Variants in GALNT1 observed in about 807,000 individuals in gnomAD.
The protein encoded by GALNT1 is polypeptide N-acetylgalactosaminyltransferase 1, also known as GalNAc transferase 1.
Under a neutral mutation model 65.7 loss-of-function variants are expected in GALNT1, and 17 were observed. The observed-to-expected ratio is 0.26, with a 90% confidence interval of 0.18 to 0.39. GALNT1 has a LOEUF of 0.39. GALNT1 is among the 10% of genes least tolerant of loss of function. The pLI is 1.00. For missense variants in GALNT1, 460 were observed against 672.8 expected (o/e 0.68, Z 3.50); for synonymous variants, 210 against 219.7 (o/e 0.96, Z 0.39).
At chr18:35,614,812 T>C (rs1598784421) in intron 1 of GALNT1, among the ~76,000 whole-genome samples, 1 of 152,072 alleles carries the variant, frequency 6.6e-6, no homozygotes, top group East Asian at 1.9e-4. Context: ...TCTATTACTC[T>C]AAACTAGCAG....
At chr18:35,701,589 A>G (rs890266224) in intron 9 of GALNT1, among the ~76,000 whole-genome samples, 1 of 152,218 alleles carries the variant, frequency 6.6e-6, no homozygotes, top group Non-Finnish European at 1.5e-5. Flanking sequence ...TTGGAAACAT[A>G]TAATGTATTG....
At chr18:35,627,750 C>CAAGCAT (rs1555646146) in intron 1 of GALNT1, among the ~76,000 whole-genome samples, 2 of 151,714 alleles carry the variant, frequency 1.3e-5, no homozygotes, top group African/African-American at 2.4e-5. Flanking sequence ...TGTAGCACAC[C>CAAGCAT]GAGCTGAAGC....
chr18:35,635,701 C>T (rs936100709), intron 1 of GALNT1, among the ~76,000 whole-genome samples: 4 of 151,904 alleles, frequency 2.6e-5, no homozygotes, highest in Non-Finnish European at 4.4e-5. Context: ...GGTAAAATAG[C>T]TGACCAATTT....
intron 1 of GALNT1, among the ~76,000 whole-genome samples, chr18:35,619,705 C>T (rs8083733): frequency 0.095 from 14,465 of 152,158 alleles, 813 homozygotes; most frequent in African/African-American, 0.17. Context: ...TAACTGTCTG[C>T]GCTCAGTAGT....
intron 1 of GALNT1, among the ~76,000 whole-genome samples, chr18:35,633,591 A>G (rs934613281): frequency 1.3e-5 from 2 of 152,094 alleles, no homozygotes; most frequent in South Asian, 2.1e-4. Flanking sequence ...TACACCTAAT[A>G]TAAGTGATGA....
intron 1 of GALNT1, among the ~76,000 whole-genome samples, chr18:35,586,332 A>G (rs970417662): frequency 3.9e-5 from 6 of 152,092 alleles, no homozygotes; most frequent in Admixed American, 2.0e-4. Flanking sequence ...TATTCTTTAT[A>G]TATTCTAAAT....
At chr18:35,631,395 G>C (rs1388839627) in intron 1 of GALNT1, among the ~76,000 whole-genome samples, 1 of 152,054 alleles carries the variant, frequency 6.6e-6, no homozygotes, top group Non-Finnish European at 1.5e-5. Context: ...TGCAAGGCTG[G>C]TTCAACATAC....
At chr18:35,597,503 G>T (rs2046520042) in intron 1 of GALNT1, 1 of 152,188 alleles carries the variant, frequency 6.6e-6, no homozygotes, top group Admixed American at 6.5e-5. Flanking sequence ...ATGACAGTTT[G>T]TTTAGTGCTT....
At chr18:35,584,060 A>G (rs2046353499) in intron 1 of GALNT1, among the ~76,000 whole-genome samples, 2 of 152,158 alleles carry the variant, frequency 1.3e-5, no homozygotes. Flanking sequence ...AGTCCAGTGT[A>G]CTACATTGTA....
In GALNT1 at chr18:35,696,646, C is replaced by A. The variant is rs537984004; in HGVS notation, c.1299+4326C>A. Among the ~76,000 whole-genome samples, 3 of 152,304 alleles carry A rather than the reference C, an allele frequency of 2.0e-5. No homozygotes were observed. The South Asian group carries it at 6.2e-4, about 32-fold the overall frequency. On this transcript the variant is annotated intron_variant, in intron 9 of 11. Coordinates refer to ENST00000269195, the MANE Select transcript of GALNT1 (RefSeq NM_020474.4). ...CTGAGCATGTACTTTATGTCAAGCA[C>A]AAATCTGAATGCTTGATGAATATTA...
At chr18:35,664,369 C>T (rs1239863869) in intron 3 of GALNT1, 1 of 152,204 alleles carries the variant, frequency 6.6e-6, no homozygotes, top group Non-Finnish European at 1.5e-5. Flanking sequence ...CTTTAAGATT[C>T]ATATTGTTGC....
intron 1 of GALNT1, among the ~76,000 whole-genome samples, chr18:35,606,556 A>T (rs1286892824): frequency 1.3e-5 from 2 of 152,192 alleles, no homozygotes; most frequent in East Asian, 3.8e-4. Context: ...AAGGAATACC[A>T]ATTTCTAGAT....
chr18:35,634,466 T>TA (rs796476241), intron 1 of GALNT1, among the ~76,000 whole-genome samples: 13 of 152,290 alleles, frequency 8.5e-5, no homozygotes, highest in African/African-American at 3.1e-4. Flanking sequence ...CCAGGATTTA[T>TA]TACAGCACAG....
At chr18:35,628,290 C>G (rs2046948227) in intron 1 of GALNT1, among the ~76,000 whole-genome samples, 1 of 152,164 alleles carries the variant, frequency 6.6e-6, no homozygotes, top group South Asian at 2.1e-4. Flanking sequence ...CCCTGAACCC[C>G]AAGTAGCCTA....
intron 1 of GALNT1, among the ~76,000 whole-genome samples, chr18:35,648,913 G>T (rs111589900): frequency 6.6e-6 from 1 of 152,132 alleles, no homozygotes; most frequent in Non-Finnish European, 1.5e-5. Flanking sequence ...CTTGGCAGCC[G>T]CTGATCTGAT....
intron 1 of GALNT1, among the ~76,000 whole-genome samples, chr18:35,647,612 G>A (rs948972467): frequency 5.3e-5 from 8 of 151,978 alleles, no homozygotes; most frequent in African/African-American, 1.9e-4. Flanking sequence ...TAGATTTGTC[G>A]AAGGTTCTCA....
In GALNT1 at chr18:35,711,440, G is replaced by A. The variant is rs556874116; in HGVS notation, c.*1670G>A. The stretch of plus-strand genomic sequence containing the variant: ...TCAAGTTAATCAACATCAAGCACAT[G>A]GGGATGCTTTAGGGTGAGTCTATAG... On this transcript the variant is annotated 3_prime_UTR_variant, in exon 12 of 12. Coordinates refer to ENST00000269195, the MANE Select transcript of GALNT1 (RefSeq NM_020474.4). 9 of 152,674 alleles carry A rather than the reference G, an allele frequency of 5.9e-5. No homozygotes were observed. The highest frequency in any genetic ancestry group is 1.7e-4 in the African/African-American group (7 of 41,546). The allele number at this position is 152,674 out of a possible 1,614,324, so 9.5% of individuals were successfully genotyped here.
At chr18:35,638,825 A>G (rs181601791) in intron 1 of GALNT1, among the ~76,000 whole-genome samples, 12 of 152,326 alleles carry the variant, frequency 7.9e-5, no homozygotes, top group Admixed American at 6.5e-4. Flanking sequence ...GAGGAGGTCA[A>G]AACATTGACA....
chr18:35,602,452 A>T (rs965324720), intron 1 of GALNT1, among the ~76,000 whole-genome samples: 7 of 152,072 alleles, frequency 4.6e-5, no homozygotes, highest in African/African-American at 1.7e-4. Flanking sequence ...TAAGCTTTCT[A>T]TCCCCGTCTT....
Sources: allele counts gnomAD v4.1 joint callset (sites outside exome capture counted in the v4.1 genomes callset), GRCh38; gene constraint gnomAD v4.1.1; transcripts MANE v1.5; gene names NCBI Gene and HGNC (gene_info 2026-07-23, HGNC 2026-07-21).